Variants in PCGF3 observed in about 807,000 individuals in gnomAD.
The protein encoded by PCGF3 is polycomb group RING finger protein 3.
A neutral mutation model predicts 33.1 loss-of-function variants in PCGF3; 7 were observed. That is an observed-to-expected ratio of 0.21 (90% CI 0.12 to 0.40). PCGF3 has a LOEUF of 0.40. PCGF3 is among the 10% of genes least tolerant of loss of function. The pLI is 1.00. For synonymous variants in PCGF3, 153 were observed against 121.3 expected (o/e 1.26, Z -1.72); for missense variants, 211 against 313.3 (o/e 0.67, Z 2.46).
At chr4:760,228 G>A (rs1051066741) in intron 8 of PCGF3, among the ~76,000 whole-genome samples, 2 of 152,188 alleles carry the variant, frequency 1.3e-5, no homozygotes, top group African/African-American at 4.8e-5. Flanking sequence ...TGTTGTGGGA[G>A]ATCCTTAGTC....
exon 11 of PCGF3, chr4:767,835 G>A (rs1456512080): frequency 2.6e-5 from 4 of 152,606 alleles, no homozygotes; most frequent in Non-Finnish European, 5.9e-5. Flanking sequence ...ATGAGTAGCT[G>A]TGTATGAATA....
chr4:730,956 C>G lies in PCGF3; in HGVS notation c.-150-14C>G, dbSNP rs2109593007. 2.5e-6 allele frequency: 1 copy of G among 398,358 alleles called. No individual in the cohort carries two copies. Among genetic ancestry groups the G allele is most frequent in the Non-Finnish European group, 4.4e-6 (1 of 225,850 alleles). 24.7% of individuals were successfully genotyped at this position (398,358 alleles called of 1,614,324 possible). ...TGACGCGAAGTGAACTAACAGGTGC[C>G]GTTTCTGTGCTAGAAAATGGAAAAA... On this transcript the variant is annotated splice_polypyrimidine_tract_variant and intron_variant, in intron 2 of 10. Coordinates refer to ENST00000362003, the Ensembl canonical transcript of PCGF3.
intron 6 of PCGF3, among the ~76,000 whole-genome samples, chr4:738,782 C>T (rs1451390879): frequency 1.3e-5 from 2 of 152,144 alleles, no homozygotes; most frequent in Non-Finnish European, 1.5e-5. Flanking sequence ...TCGCTTGAAC[C>T]CGGGAGGCAG....
At chr4:763,383 G>A (rs1039745433) in intron 9 of PCGF3, among the ~76,000 whole-genome samples, 1 of 152,038 alleles carries the variant, frequency 6.6e-6, no homozygotes, top group African/African-American at 2.4e-5. Context: ...AGAGTGTGAG[G>A]TTTGCGCTGC....
chr4:768,420 A>G (rs1745474332), exon 11 of PCGF3: 1 of 151,568 alleles, frequency 6.6e-6, no homozygotes, highest in Non-Finnish European at 1.5e-5. Context: ...AAAAGGCTGA[A>G]TTTCATTTTT....
intron 1 of PCGF3, among the ~76,000 whole-genome samples, chr4:710,559 T>C (rs1742520515): frequency 2.0e-5 from 3 of 152,232 alleles, no homozygotes; most frequent in Admixed American, 2.0e-4. Context: ...AATCAGCGAT[T>C]GCGTGTGGAG....
chr4:751,981 A>C (rs1744535171), intron 8 of PCGF3, among the ~76,000 whole-genome samples: 1 of 152,250 alleles, frequency 6.6e-6, no homozygotes, highest in Non-Finnish European at 1.5e-5. Flanking sequence ...GAGAGAGGCA[A>C]GTTTAGTCAT....
At chr4:767,434 G>C (rs1745432768) in exon 11 of PCGF3, 1 of 152,072 alleles carries the variant, frequency 6.6e-6, no homozygotes, top group Non-Finnish European at 1.5e-5. Context: ...TTCTCCACCG[G>C]GCTGTTCCCA....
At chr4:709,790 A>G (rs1046497988) in intron 1 of PCGF3, among the ~76,000 whole-genome samples, 5 of 152,226 alleles carry the variant, frequency 3.3e-5, no homozygotes, top group African/African-American at 1.2e-4. Context: ...TTTCAGCTTA[A>G]CATTTCAGGG....
At chr4:733,167 A>G (rs73221124) in intron 3 of PCGF3, among the ~76,000 whole-genome samples, 36,594 of 151,032 alleles carry the variant, frequency 0.24, 5,009 homozygotes, top group South Asian at 0.36. Context: ...CGCCGGCCCC[A>G]CAAGTGAATG....
At chr4:743,397 T>C (rs765646430) in intron 6 of PCGF3, 77 bp from the exon 7 acceptor site, 51 of 811,006 alleles carry the variant, frequency 6.3e-5, no homozygotes, top group Admixed American at 4.3e-4. Context: ...TAATTTTCTT[T>C]ATGTGATGTT....
intron 9 of PCGF3, chr4:762,398 G>C (rs1745109643): frequency 6.6e-6 from 1 of 152,308 alleles, no homozygotes; most frequent in Admixed American, 6.5e-5. Context: ...GCCAGGGCAG[G>C]CTCCCCGGCT....
intron 9 of PCGF3, among the ~76,000 whole-genome samples, chr4:763,468 C>G (rs574672490): frequency 9.9e-5 from 15 of 152,194 alleles, no homozygotes; most frequent in Non-Finnish European, 1.8e-4. Flanking sequence ...TCATGCCTTC[C>G]CCAGGGAGGA....
At chr4:760,345 C>T (rs1298117672) in intron 8 of PCGF3, among the ~76,000 whole-genome samples, 10 of 148,572 alleles carry the variant, frequency 6.7e-5, no homozygotes, top group Non-Finnish European at 1.2e-4. Flanking sequence ...GTGTTTATCT[C>T]TACTCCTGAT....
At chr4:748,704 G>A (rs1231276900) in intron 8 of PCGF3, among the ~76,000 whole-genome samples, 1 of 152,164 alleles carries the variant, frequency 6.6e-6, no homozygotes, top group African/African-American at 2.4e-5. Flanking sequence ...GCCATGCCTG[G>A]TTTCCGATGT....
chr4:715,938 G>C (rs1230771655), intron 1 of PCGF3, among the ~76,000 whole-genome samples: 45 of 110,308 alleles, frequency 4.1e-4, no homozygotes, highest in South Asian at 1.2e-3. Context: ...TGTAGACACT[G>C]AGGGTGAGAA....
intron 1 of PCGF3, among the ~76,000 whole-genome samples, chr4:722,077 G>A (rs769217773): frequency 1.4e-4 from 21 of 152,170 alleles, no homozygotes; most frequent in Non-Finnish European, 2.6e-4. Context: ...CACACGGGGC[G>A]TGGGACGGTG....
chr4:739,903 C>T (rs1284561869), intron 6 of PCGF3, among the ~76,000 whole-genome samples: 8 of 152,240 alleles, frequency 5.3e-5, no homozygotes, highest in Admixed American at 4.6e-4. Context: ...GGCCCCGAGC[C>T]GCCTCCCTGA....
intron 1 of PCGF3, among the ~76,000 whole-genome samples, chr4:713,828 C>G (rs1454621637): frequency 1.3e-5 from 2 of 152,164 alleles, no homozygotes. Context: ...CCTGGCACAG[C>G]AGAGGGCGCA....
Sources: gnomAD v4.1 joint callset for allele counts (sites outside exome capture counted in the v4.1 genomes callset) on GRCh38, gnomAD v4.1.1 for gene constraint, MANE v1.5 for transcripts, NCBI Gene and HGNC (gene_info 2026-07-23, HGNC 2026-07-21) for gene names.